NPR3: variants seen among roughly 807,000 people sequenced by gnomAD.
NPR3 encodes the protein atrial natriuretic peptide receptor 3.
Under a neutral mutation model 54.5 loss-of-function variants are expected in NPR3, and 34 were observed. That is an observed-to-expected ratio of 0.62 (90% confidence interval 0.47 to 0.83). The LOEUF is 0.83. Among genes scored for constraint, NPR3 ranks in the 40% least tolerant of loss-of-function variants. The pLI is 0.00. For synonymous variants in NPR3, 289 were observed against 297.1 expected, an observed-to-expected ratio of 0.97 and a Z score of 0.28; for missense variants, 674 against 720.8, an observed-to-expected ratio of 0.94 and a Z score of 0.74.
intron 4 of NPR3, among the ~76,000 whole-genome samples, chr5:32,778,478 A>G (rs1166035170): frequency 6.6e-6 from 1 of 152,202 alleles, no homozygotes; most frequent in African/African-American, 2.4e-5. Flanking sequence ...CTGTGATTTG[A>G]CAAATTTGGC....
chr5:32,784,701 T>C, intron 6 of NPR3, 95 bp from the exon 7 acceptor site: 2 of 931,606 alleles, frequency 2.1e-6, no homozygotes, highest in Non-Finnish European at 1.7e-6. Context: ...TTGCCTCCAA[T>C]GGGAAATCGA....
At chr5:32,765,551 C>T (rs1741408617) in intron 3 of NPR3, among the ~76,000 whole-genome samples, 1 of 152,096 alleles carries the variant, frequency 6.6e-6, no homozygotes, top group South Asian at 2.1e-4. Flanking sequence ...GGGCTAGGTC[C>T]CAGTGTAACA....
chr5:32,788,140 C>G lies in NPR3; in HGVS notation c.*1795C>G, dbSNP rs902561891. On this transcript the variant is annotated 3_prime_UTR_variant, in exon 8 of 8. Coordinates refer to ENST00000265074, the MANE Select transcript of NPR3 (RefSeq NM_001204375.2). ...TTATTTCTGTGTGAGGCACATTTCC[C>G]TTCTGTTGTTTAAGAAATGGGAGCT... The G allele has an allele frequency of 6.6e-6, 1 of 152,232 alleles. No individual in the cohort carries two copies. The highest frequency in any genetic ancestry group is 1.5e-5 in the Non-Finnish European group (1 of 68,062). 9.4% of individuals were successfully genotyped at this position (152,232 alleles called of 1,614,324 possible).
At chr5:32,761,259 A>G (rs1055599239) in intron 3 of NPR3, among the ~76,000 whole-genome samples, 1 of 152,062 alleles carries the variant, frequency 6.6e-6, no homozygotes. Flanking sequence ...TGATCTGTAC[A>G]CCAATTTGGG....
At chr5:32,766,147 C>T (rs1741449412) in intron 3 of NPR3, among the ~76,000 whole-genome samples, 1 of 152,142 alleles carries the variant, frequency 6.6e-6, no homozygotes, top group African/African-American at 2.4e-5. Context: ...ACAGAGCTGG[C>T]TGGAGAAGGG....
At chr5:32,700,512 C>T (rs1195150641) in intron 1 of NPR3, among the ~76,000 whole-genome samples, 2 of 152,086 alleles carry the variant, frequency 1.3e-5, no homozygotes, top group East Asian at 3.9e-4. Context: ...TCATCATTTA[C>T]ATTAGGTATT....
upstream of NPR3, chr5:32,709,407 T>A (rs1273293302): frequency 7.6e-6 from 1 of 131,128 alleles, no homozygotes; most frequent in Non-Finnish European, 1.6e-5. Context: ...GTTGTTCTTT[T>A]TCTTTTTTTT....
upstream of NPR3, among the ~76,000 whole-genome samples, chr5:32,706,994 G>A (rs919789334): frequency 3.3e-5 from 5 of 151,984 alleles, no homozygotes; most frequent in African/African-American, 7.2e-5. Context: ...ATTCACACTC[G>A]TTTTTGTGAA....
chr5:32,754,696 G>C (rs114711761), intron 3 of NPR3, among the ~76,000 whole-genome samples: 3 of 151,996 alleles, frequency 2.0e-5, no homozygotes, highest in Non-Finnish European at 4.4e-5. Context: ...CTGTGGGGAG[G>C]GGGGTGCAGA....
rs1742827633 is a variant in NPR3 at position 32,789,980 on chromosome 5, G to A, written c.*3635G>A. The A allele has an allele frequency of 3.5e-6, 1 of 286,868 alleles. No individual in the cohort carries two copies. 17.8% of individuals were successfully genotyped at this position (286,868 alleles called of 1,614,324 possible). ...ATCCTGAGTGGATGCAGACATGAGA[G>A]TAAATGTCAGCCCAAATTAGGCCCC... On this transcript the variant is annotated 3_prime_UTR_variant, in exon 8 of 8. Transcript: ENST00000265074.
upstream of NPR3, chr5:32,710,865 T>TTTTTTTTG: frequency 7.7e-7 from 1 of 1,302,418 alleles, no homozygotes; most frequent in African/African-American, 1.7e-5. Flanking sequence ...CCTGGTTTTT[T>TTTTTTTTG]TTTTTTTTTG....
chr5:32,771,047 A>G (rs1448730970), intron 3 of NPR3, among the ~76,000 whole-genome samples: 2 of 149,536 alleles, frequency 1.3e-5, no homozygotes, highest in Non-Finnish European at 3.0e-5. Flanking sequence ...AACTTCATAC[A>G]TGGTTTTTTT....
At chr5:32,701,467 G>A (rs894309718) in intron 1 of NPR3, among the ~76,000 whole-genome samples, 3 of 152,288 alleles carry the variant, frequency 2.0e-5, no homozygotes, top group Middle Eastern at 3.4e-3. Context: ...TGAATTCTCT[G>A]TCTGAAAGAT....
chr5:32,744,869 G>A (rs1290595326), intron 3 of NPR3, among the ~76,000 whole-genome samples: 2 of 152,170 alleles, frequency 1.3e-5, no homozygotes, highest in South Asian at 2.1e-4. Context: ...CTCTTCTACT[G>A]TAAACTCTAC....
rs538090110 is a variant in NPR3, at chr5:32,755,591, C to T, written c.1059+16561C>T. On this transcript the variant is annotated intron_variant, in intron 3 of 7. Transcript: ENST00000265074. ...GTAGATATGAGCCTCTTAAGTGAGG[C>T]AAATACAGGGAATCCAAGCTTAGAA... Among the ~76,000 whole-genome samples the T allele has an allele frequency of 1.6e-4, 24 of 152,220 alleles. No individual in the cohort carries two copies. The East Asian group carries it at 4.6e-3, about 29-fold the overall frequency.
chr5:32,713,192 A>T, intron 1 of NPR3: 1 of 985,320 alleles, frequency 1.0e-6, no homozygotes, highest in Non-Finnish European at 1.2e-6. Flanking sequence ...GGCGACACTC[A>T]CTTCTCCCAG....
chr5:32,712,089 G>A lies in NPR3; in HGVS notation c.313G>A (p.Asp105Asn), dbSNP rs1263370705. 3.7e-6 allele frequency: 6 copies of A among 1,613,850 alleles called. No individual in the cohort carries two copies. Among genetic ancestry groups the A allele is most frequent in the Non-Finnish European group, 5.1e-6 (6 of 1,179,810 alleles). ...PGTRFQVAYEDSDCGNRALFS... is the reference protein window; with the variant it reads ...PGTRFQVAYENSDCGNRALFS... ...CACTCGCTTCCAGGTGGCTTACGAG[G>A]ATTCAGACTGTGGGAACCGTGCGCT... Residue 105 changes from aspartate to asparagine, a missense_variant, in exon 1 of 8, where the codon GAT becomes AAT. By Grantham distance (23) the Asp-to-Asn change is conservative. Coordinates refer to ENST00000265074, the MANE Select transcript of NPR3 (RefSeq NM_001204375.2).
At chr5:32,753,937 A>G (rs928204849) in intron 3 of NPR3, among the ~76,000 whole-genome samples, 4 of 152,176 alleles carry the variant, frequency 2.6e-5, no homozygotes, top group African/African-American at 7.2e-5. Context: ...GCACTAGTAA[A>G]GTGGAAGCAA....
At chr5:32,732,226 C>T (rs895871745) in intron 2 of NPR3, among the ~76,000 whole-genome samples, 6 of 114,620 alleles carry the variant, frequency 5.2e-5, no homozygotes, top group South Asian at 2.9e-4. Flanking sequence ...CCGGCCTGGG[C>T]GACAGAGCGA....
Sources: gnomAD v4.1 joint callset for allele counts (sites outside exome capture counted in the v4.1 genomes callset) on GRCh38, gnomAD v4.1.1 for gene constraint, MANE v1.5 for transcripts, NCBI Gene and HGNC (gene_info 2026-07-23, HGNC 2026-07-21) for gene names.